The following PRKCE variants were observed in gnomAD, a reference collection of about 807,000 sequenced individuals.
PRKCE encodes the protein protein kinase C epsilon type.
Under a neutral mutation model 85.4 loss-of-function variants are expected in PRKCE, and 16 were observed. The observed-to-expected ratio is 0.19, with a 90% confidence interval of 0.13 to 0.28. PRKCE has a LOEUF of 0.28. PRKCE is among the 10% of genes least tolerant of loss of function. The probability of loss-of-function intolerance (pLI) is 1.00; values close to 1 mark genes in which losing one functional copy is unlikely to be tolerated. For synonymous variants in PRKCE, 388 were observed against 371.5 expected, an observed-to-expected ratio of 1.04 and a Z score of -0.51; for missense variants, 573 against 975.2, an observed-to-expected ratio of 0.59 and a Z score of 5.49.
chr2:45,779,824 A>G (rs1686043701), intron 1 of PRKCE, among the ~76,000 whole-genome samples: 2 of 152,314 alleles, frequency 1.3e-5, no homozygotes, highest in South Asian at 4.1e-4. Flanking sequence ...TTTCCTTGTC[A>G]TCAAAAATTC....
At chr2:46,168,139 G>A (rs1050861953) in intron 14 of PRKCE, among the ~76,000 whole-genome samples, 1 of 152,170 alleles carries the variant, frequency 6.6e-6, no homozygotes, top group Non-Finnish European at 1.5e-5. Flanking sequence ...CCCCACTCCA[G>A]GGAAGAGTGT....
At chr2:46,019,642 C>T (rs960360379) in intron 10 of PRKCE, among the ~76,000 whole-genome samples, 3 of 152,166 alleles carry the variant, frequency 2.0e-5, no homozygotes, top group Admixed American at 2.0e-4. Context: ...CTTAACTCTT[C>T]TTTATACCAA....
At position 45,652,895 on chromosome 2, in the gene PRKCE, C is replaced by G. The variant is rs1558527792; in HGVS notation, c.348+447C>G. On this transcript the variant is annotated intron_variant, in intron 1 of 14. Coordinates refer to ENST00000306156, the MANE Select transcript of PRKCE (RefSeq NM_005400.3). This position sits in a 1 kb window ranked among gnomAD's most constrained non-coding sequence, Gnocchi z 7.7. The stretch of plus-strand genomic sequence containing the variant: ...CCTGGCTTTGTCCTGCTTAGCCGAG[C>G]GAGGAGTTGCTTTATTTTTCCCTCC... 6.6e-6 allele frequency among the ~76,000 whole-genome samples: 1 copy of G among 152,084 alleles called. No homozygotes were observed. Among genetic ancestry groups the G allele is most frequent in the African/African-American group, 2.4e-5 (1 of 41,406 alleles).
intron 10 of PRKCE, among the ~76,000 whole-genome samples, chr2:46,056,604 T>C (rs1243145288): frequency 6.6e-6 from 1 of 152,220 alleles, no homozygotes; most frequent in Non-Finnish European, 1.5e-5. Flanking sequence ...GATCTTTTCC[T>C]CTTGAATGTC....
chr2:46,131,456 G>C (rs1184673406), intron 11 of PRKCE, among the ~76,000 whole-genome samples: 2 of 152,188 alleles, frequency 1.3e-5, no homozygotes, highest in Non-Finnish European at 2.9e-5. Flanking sequence ...AGTTCAGAAG[G>C]GATCACAGTT....
chr2:45,930,738 G>A (rs1440306114), intron 2 of PRKCE, among the ~76,000 whole-genome samples: 1 of 152,224 alleles, frequency 6.6e-6, no homozygotes. Context: ...ATTTGAGTCA[G>A]ACTAAAGGGA....
intron 10 of PRKCE, among the ~76,000 whole-genome samples, chr2:46,064,864 T>C (rs565256586): frequency 6.6e-6 from 1 of 152,272 alleles, no homozygotes; most frequent in South Asian, 2.1e-4. Context: ...CGTCCTTTCA[T>C]GTGGGTGTGG....
In PRKCE at chr2:45,769,232, A is replaced by G. The variant is rs139934547; in HGVS notation, c.349-73768A>G. On this transcript the variant is annotated intron_variant, in intron 1 of 14. Coordinates refer to ENST00000306156, the MANE Select transcript of PRKCE (RefSeq NM_005400.3). ...GTATACTCTTGACAAAAGTCTTTTCATCCTCGCCCACCTTATGCCTTCAAA... is the reference window on the plus strand; with the variant it reads ...GTATACTCTTGACAAAAGTCTTTTCGTCCTCGCCCACCTTATGCCTTCAAA... Among the ~76,000 whole-genome samples the G allele has an allele frequency of 3.2e-4, 48 of 152,254 alleles. 2 individuals carry two copies. In the East Asian group the frequency reaches 9.1e-3, roughly 29 times the overall value.
chr2:46,094,924 T>C (rs1670541010), intron 11 of PRKCE, among the ~76,000 whole-genome samples: 1 of 152,190 alleles, frequency 6.6e-6, no homozygotes, highest in African/African-American at 2.4e-5. Flanking sequence ...TTTGTATGGA[T>C]CTATTTCTCT....
intron 10 of PRKCE, among the ~76,000 whole-genome samples, chr2:46,019,459 TG>T (rs1706455009): frequency 6.6e-6 from 1 of 152,220 alleles, no homozygotes; most frequent in African/African-American, 2.4e-5. Flanking sequence ...CTGCAGCAAG[TG>T]GGTAAATGAT....
chr2:45,830,293 CGAGAGA>C (rs71912599), intron 1 of PRKCE, among the ~76,000 whole-genome samples: 20 of 146,310 alleles, frequency 1.4e-4, no homozygotes, highest in South Asian at 4.4e-4. Context: ...CAAAAACAAA[CGAGAGA>C]GAGAGAGAGA....
rs1667805884 is a variant in PRKCE at position 46,068,428 on chromosome 2, G to T, written c.1438-17780G>T. ...CAAAATGATATTAAATATATTAATT[G>T]ATATATCTAATTAATCAGTCATTAT... On this transcript the variant is annotated intron_variant, in intron 10 of 14. Coordinates refer to ENST00000306156, the MANE Select transcript of PRKCE (RefSeq NM_005400.3). The surrounding 1 kb of genome is among the most constrained non-coding windows in gnomAD (Gnocchi z 4.3). 6.6e-6 allele frequency among the ~76,000 whole-genome samples: 1 copy of T among 152,114 alleles called. No homozygotes were observed. Among genetic ancestry groups the T allele is most frequent in the Admixed American group, 6.5e-5 (1 of 15,270 alleles).
At chr2:45,752,156 GGAATAA>G (rs1683629069) in intron 1 of PRKCE, among the ~76,000 whole-genome samples, 1 of 152,122 alleles carries the variant, frequency 6.6e-6, no homozygotes, top group Non-Finnish European at 1.5e-5. Context: ...AACATCACAT[GGAATAA>G]CTGATATGTG....
intron 1 of PRKCE, among the ~76,000 whole-genome samples, chr2:45,804,684 T>A (rs1485823529): frequency 6.6e-6 from 1 of 152,160 alleles, no homozygotes; most frequent in Non-Finnish European, 1.5e-5. Flanking sequence ...ACAATTCAAC[T>A]ATAATTGAGA....
At chr2:45,946,395 A>G (rs1700246939) in intron 2 of PRKCE, among the ~76,000 whole-genome samples, 1 of 152,194 alleles carries the variant, frequency 6.6e-6, no homozygotes, top group Non-Finnish European at 1.5e-5. Flanking sequence ...GAACCTTGGG[A>G]TGTGCTGGCT....
At chr2:45,990,565 G>A (rs1169029873) in intron 6 of PRKCE, among the ~76,000 whole-genome samples, 3 of 152,008 alleles carry the variant, frequency 2.0e-5, no homozygotes, top group Non-Finnish European at 2.9e-5. Context: ...CTGACCACTG[G>A]GTAGCTCTCA....
intron 2 of PRKCE, among the ~76,000 whole-genome samples, chr2:45,881,723 C>T (rs1454301421): frequency 6.6e-6 from 1 of 152,174 alleles, no homozygotes; most frequent in East Asian, 1.9e-4. Flanking sequence ...TTGCCTAAGT[C>T]ACACAATATG....
intron 1 of PRKCE, among the ~76,000 whole-genome samples, chr2:45,708,457 G>T (rs548307140): frequency 6.6e-6 from 1 of 152,194 alleles, no homozygotes; most frequent in Admixed American, 6.5e-5. Context: ...TCTCATGATA[G>T]TGAATAAGCC....
At chr2:46,025,979 T>C (rs1349243128) in intron 10 of PRKCE, among the ~76,000 whole-genome samples, 1 of 152,184 alleles carries the variant, frequency 6.6e-6, no homozygotes, top group Non-Finnish European at 1.5e-5. Flanking sequence ...GTAGACGCCA[T>C]AGGCAGAAGC....
Sources: allele counts gnomAD v4.1 joint callset (sites outside exome capture counted in the v4.1 genomes callset), GRCh38; gene constraint gnomAD v4.1.1; non-coding constraint Gnocchi (gnomAD v3.1); transcripts MANE v1.5; gene names NCBI Gene and HGNC (gene_info 2026-07-23, HGNC 2026-07-21).